GLRA3: variants seen among roughly 807,000 people sequenced by gnomAD.
GLRA3 encodes glycine receptor subunit alpha-3.
GLRA3 carries 44 observed loss-of-function variants against 60.4 expected under a neutral mutation model. The ratio of observed to expected loss-of-function variants is 0.73; its 90% CI spans 0.57 to 0.94. The LOEUF (loss-of-function observed/expected upper bound fraction) is 0.94, where lower values mean the gene tolerates loss of function less well. Ranked by LOEUF, GLRA3 falls within the 40% of genes least tolerant of loss-of-function variation. The pLI, the probability that GLRA3 is intolerant of heterozygous loss-of-function variation, is 0.00. For missense variants in GLRA3, 508 were observed against 564.6 expected (o/e 0.90, Z 1.02); for synonymous variants, 223 against 192.9 (o/e 1.16, Z -1.29).
At chr4:174,801,599 A>G (rs1214676542) in intron 1 of GLRA3, among the ~76,000 whole-genome samples, 4 of 152,034 alleles carry the variant, frequency 2.6e-5, no homozygotes, top group Non-Finnish European at 5.9e-5. Context: ...TTTACATATC[A>G]TATCCATCCT....
intron 7 of GLRA3, among the ~76,000 whole-genome samples, chr4:174,672,274 GT>G (rs1733936501): frequency 6.6e-6 from 1 of 152,058 alleles, no homozygotes; most frequent in Non-Finnish European, 1.5e-5. Flanking sequence ...CACCCCTCTT[GT>G]TTTTCTGAAC....
At chr4:174,752,762 T>C (rs1267867735) in intron 3 of GLRA3, among the ~76,000 whole-genome samples, 1 of 152,136 alleles carries the variant, frequency 6.6e-6, no homozygotes, top group African/African-American at 2.4e-5. Context: ...ATATTTTCAG[T>C]TTATCTTCTT....
At chr4:174,671,895 C>T (rs1733921932) in intron 7 of GLRA3, among the ~76,000 whole-genome samples, 3 of 152,242 alleles carry the variant, frequency 2.0e-5, no homozygotes, top group South Asian at 2.1e-4. Context: ...AAGTGATCCA[C>T]CCGCTTCTGC....
chr4:174,823,705 T>C (rs879133790), intron 1 of GLRA3, among the ~76,000 whole-genome samples: 66 of 152,132 alleles, frequency 4.3e-4, no homozygotes, highest in Admixed American at 2.0e-4. Flanking sequence ...TCCCTGAAAA[T>C]GTCCTGAGAA....
intron 3 of GLRA3, among the ~76,000 whole-genome samples, chr4:174,735,064 T>C (rs923360795): frequency 1.3e-5 from 2 of 152,160 alleles, no homozygotes; most frequent in African/African-American, 4.8e-5. Flanking sequence ...ACAGCTGTGC[T>C]CCACAAGCCC....
intron 7 of GLRA3, among the ~76,000 whole-genome samples, chr4:174,660,354 T>C (rs1325877513): frequency 6.6e-6 from 1 of 152,144 alleles, no homozygotes; most frequent in Non-Finnish European, 1.5e-5. Context: ...CTGTCTCTCC[T>C]TGCTTTTTTG....
At chr4:174,807,815 A>G (rs1740107802) in intron 1 of GLRA3, among the ~76,000 whole-genome samples, 1 of 152,154 alleles carries the variant, frequency 6.6e-6, no homozygotes, top group East Asian at 1.9e-4. Context: ...AATCAGAAGT[A>G]ACTAAGCAGC....
At chr4:174,680,473 G>A (rs1464834916) in intron 6 of GLRA3, among the ~76,000 whole-genome samples, 1 of 152,214 alleles carries the variant, frequency 6.6e-6, no homozygotes, top group Non-Finnish European at 1.5e-5. Flanking sequence ...ACATATGGAT[G>A]TTTCAAGAGT....
At chr4:174,646,394 G>A (rs930583415) in intron 9 of GLRA3, among the ~76,000 whole-genome samples, 14 of 152,174 alleles carry the variant, frequency 9.2e-5, no homozygotes, top group African/African-American at 3.4e-4. Context: ...AGCCTGGGCT[G>A]TTACAGTAGT....
At chr4:174,701,630 A>G (rs1045457717) in intron 5 of GLRA3, among the ~76,000 whole-genome samples, 13 of 152,218 alleles carry the variant, frequency 8.5e-5, no homozygotes, top group African/African-American at 3.1e-4. Flanking sequence ...GAAAACCTAC[A>G]TGTAACAATT....
At chr4:174,740,008 G>T (rs13132904) in intron 3 of GLRA3, among the ~76,000 whole-genome samples, 1 of 152,144 alleles carries the variant, frequency 6.6e-6, no homozygotes, top group South Asian at 2.1e-4. Context: ...GCCTCTGTAG[G>T]CTGACTTTGT....
At chr4:174,708,656 A>T (rs754292094) in intron 5 of GLRA3, among the ~76,000 whole-genome samples, 3 of 149,130 alleles carry the variant, frequency 2.0e-5, no homozygotes, top group Non-Finnish European at 4.5e-5. Flanking sequence ...CTGCAGTGCA[A>T]TACATTCCTC....
At chr4:174,710,245 G>A (rs1478068597) in intron 5 of GLRA3, among the ~76,000 whole-genome samples, 8 of 151,890 alleles carry the variant, frequency 5.3e-5, no homozygotes, top group African/African-American at 1.9e-4. Context: ...TTCTAAGGTT[G>A]TGTCTCTATA....
intron 1 of GLRA3, among the ~76,000 whole-genome samples, chr4:174,808,478 C>A (rs530618918): frequency 1.3e-5 from 2 of 152,192 alleles, no homozygotes; most frequent in East Asian, 3.9e-4. Context: ...GTACATAATA[C>A]TTGGATAATG....
At chr4:174,757,325 T>C (rs1377765165) in intron 3 of GLRA3, among the ~76,000 whole-genome samples, 1 of 152,054 alleles carries the variant, frequency 6.6e-6, no homozygotes, top group Non-Finnish European at 1.5e-5. Context: ...CTGTGAAGCC[T>C]AGACGCAATG....
At chr4:174,649,003 G>T (rs1309695015) in intron 9 of GLRA3, among the ~76,000 whole-genome samples, 1 of 152,082 alleles carries the variant, frequency 6.6e-6, no homozygotes, top group African/African-American at 2.4e-5. Flanking sequence ...AAATCCCACG[G>T]TGCCAATGGG....
chr4:174,655,332 C>A (rs899556343), intron 9 of GLRA3, among the ~76,000 whole-genome samples: 3 of 152,050 alleles, frequency 2.0e-5, no homozygotes, highest in African/African-American at 7.2e-5. Flanking sequence ...ACAACCACCC[C>A]CAAATTTGCC....
At position 174,719,330 on chromosome 4, in the gene GLRA3, C is replaced by G. The variant is rs185244080; in HGVS notation, c.492-3760G>C. Among the ~76,000 whole-genome samples, 211 of 152,048 alleles carry G rather than the reference C, an allele frequency of 1.4e-3. 1 individual carries two copies. The highest frequency in any genetic ancestry group is 4.9e-3 in the African/African-American group (202 of 41,468). On this transcript the variant is annotated intron_variant, in intron 4 of 9. Transcript: ENST00000274093. ...GAAGCATTTTTCATGAAAATGGGTTCTGTAATTAATATGACATTTTAAATT... is the reference window on the plus strand; with the variant it reads ...GAAGCATTTTTCATGAAAATGGGTTGTGTAATTAATATGACATTTTAAATT...
chr4:174,758,986 C>T (rs887100608), intron 3 of GLRA3, among the ~76,000 whole-genome samples: 5 of 152,042 alleles, frequency 3.3e-5, no homozygotes, highest in African/African-American at 7.2e-5. Flanking sequence ...TAATGCTTTT[C>T]ATATTCTTCA....
Sources: gnomAD v4.1 joint callset for allele counts (sites outside exome capture counted in the v4.1 genomes callset) on GRCh38, gnomAD v4.1.1 for gene constraint, MANE v1.5 for transcripts, NCBI Gene and HGNC (gene_info 2026-07-23, HGNC 2026-07-21) for gene names.